NOS2: variants seen among roughly 807,000 people sequenced by gnomAD.
NOS2 encodes the protein nitric oxide synthase 2, also known as nitric oxide synthase, inducible.
In NOS2, 96 loss-of-function variants were observed where a neutral mutation model predicts 136.0. The ratio of observed to expected loss-of-function variants is 0.71; its 90% CI spans 0.60 to 0.84. The LOEUF (loss-of-function observed/expected upper bound fraction) is 0.84. NOS2 is among the 40% of genes least tolerant of loss of function. NOS2 has a pLI of 0.00. For missense variants in NOS2, 1,237 were observed against 1,496.9 expected (o/e 0.83, Z 2.87); for synonymous variants, 539 against 587.5 (o/e 0.92, Z 1.20).
At chr17:27,781,323 TC>T in intron 7 of NOS2, 146 bp from the exon 8 acceptor site, 1 of 896,386 alleles carries the variant, frequency 1.1e-6, no homozygotes, top group East Asian at 2.7e-5. Flanking sequence ...ACATGCCTTC[TC>T]CTGCTGCCCT....
intron 26 of NOS2, 125 bp downstream of exon 26, chr17:27,758,756 G>C: frequency 8.7e-6 from 6 of 689,334 alleles, no homozygotes; most frequent in Non-Finnish European, 1.3e-5. Context: ...CCACTGCTAA[G>C]ATTCTCTTGG....
chr17:27,760,389 G>C (rs1417625395), intron 24 of NOS2, among the ~76,000 whole-genome samples: 1 of 152,242 alleles, frequency 6.6e-6, no homozygotes, highest in Non-Finnish European at 1.5e-5. Context: ...CAGCCAATCG[G>C]AGATCAAAAG....
intron 23 of NOS2, among the ~76,000 whole-genome samples, 162 bp downstream of exon 23, chr17:27,760,982 A>G (rs1167151927): frequency 6.6e-6 from 1 of 152,206 alleles, no homozygotes; most frequent in Non-Finnish European, 1.5e-5. Flanking sequence ...CCCACCTGTC[A>G]TCGCTGTCCC....
chr17:27,790,273 T>C (rs2142525435), intron 2 of NOS2, among the ~76,000 whole-genome samples: 1 of 152,256 alleles, frequency 6.6e-6, no homozygotes, highest in East Asian at 1.9e-4. Context: ...TCTGTATTTT[T>C]GGTAGAGATG....
At chr17:27,769,300 C>T (rs557141049) in intron 16 of NOS2, 149 bp from the exon 17 acceptor site, 1 of 864,880 alleles carries the variant, frequency 1.2e-6, no homozygotes, top group African/African-American at 1.7e-5. Context: ...CTCTCCATCC[C>T]CCAGCCTTGT....
chr17:27,779,778 TG>T (rs1391161508), intron 9 of NOS2, among the ~76,000 whole-genome samples: 3 of 152,224 alleles, frequency 2.0e-5, no homozygotes, highest in Non-Finnish European at 4.4e-5. Flanking sequence ...GAACTTGGGA[TG>T]TTTTTTAGCC....
chr17:27,795,798 G>A (rs1254909461), intron 2 of NOS2, among the ~76,000 whole-genome samples: 1 of 152,154 alleles, frequency 6.6e-6, no homozygotes, highest in Non-Finnish European at 1.5e-5. Context: ...CTATCTGACT[G>A]GATCCTTTCC....
chr17:27,777,679 A>G (rs992809045), intron 11 of NOS2, among the ~76,000 whole-genome samples: 1 of 152,198 alleles, frequency 6.6e-6, no homozygotes, highest in Non-Finnish European at 1.5e-5. Flanking sequence ...TCTAGGCCAG[A>G]GGTGCAGCAG....
intron 2 of NOS2, 39 bp downstream of exon 2, chr17:27,798,661 C>A (rs199932566): frequency 7.6e-7 from 1 of 1,317,086 alleles, no homozygotes; most frequent in Non-Finnish European, 1.1e-6. Flanking sequence ...CATGGGTGCC[C>A]AAGGAGACAA....
At chr17:27,785,032 C>T (rs530377040) in intron 5 of NOS2, among the ~76,000 whole-genome samples, 69 of 152,262 alleles carry the variant, frequency 4.5e-4, no homozygotes, top group African/African-American at 1.2e-3. Context: ...AGGCCTCCCA[C>T]GTCCAGAATA....
At chr17:27,780,619 A>C in intron 9 of NOS2, 148 bp downstream of exon 9, 1 of 964,266 alleles carries the variant, frequency 1.0e-6, no homozygotes, top group Non-Finnish European at 1.6e-6. Flanking sequence ...AACAGTGACA[A>C]AAGAGTCCTT....
At chr17:27,770,329 A>G (rs1193686253) in intron 15 of NOS2, among the ~76,000 whole-genome samples, 1 of 152,150 alleles carries the variant, frequency 6.6e-6, no homozygotes, top group Non-Finnish European at 1.5e-5. Flanking sequence ...AAAAAAAAGA[A>G]TACAAAATTG....
intron 2 of NOS2, among the ~76,000 whole-genome samples, chr17:27,798,084 G>A (rs1909409949): frequency 6.6e-6 from 1 of 152,116 alleles, no homozygotes; most frequent in South Asian, 2.1e-4. Context: ...TGTCTGTTCT[G>A]TGTGGGCACA....
At chr17:27,768,737 G>T (rs1908392030) in intron 17 of NOS2, among the ~76,000 whole-genome samples, 1 of 152,216 alleles carries the variant, frequency 6.6e-6, no homozygotes, top group Non-Finnish European at 1.5e-5. Flanking sequence ...AAGGGCAGGG[G>T]GGTATCTGTG....
In NOS2 at chr17:27,788,808, C is replaced by T. The variant is rs1252502894; in HGVS notation, c.318+1G>A. The T allele has an allele frequency of 1.9e-6, 3 of 1,613,230 alleles. No individual in the cohort carries two copies. The highest frequency in any genetic ancestry group is 1.1e-5 in the South Asian group (1 of 90,896). ...GGTTCTCCCTGAAGCCCCAGACTTA[C>T]CCCTTTGGCCTTATGGTGAAGTGTG... On this transcript the variant is annotated splice_donor_variant, in intron 4 of 26. Coordinates refer to ENST00000313735, the MANE Select transcript of NOS2 (RefSeq NM_000625.4). LOFTEE classifies it high-confidence loss of function.
In NOS2 at chr17:27,772,467, A is replaced by G; in HGVS notation, c.1560-15T>C. On this transcript the variant is annotated splice_polypyrimidine_tract_variant and intron_variant, in intron 13 of 26. Transcript: ENST00000313735. ...AGAGCACAGCTCTGTGGGGACAGAC[A>G]GACAGGCAGGCGCTGTGTGCTGAGT... The G allele has an allele frequency of 6.2e-7, 1 of 1,613,666 alleles. No individual in the cohort carries two copies. Among genetic ancestry groups the G allele is most frequent in the Non-Finnish European group, 8.5e-7 (1 of 1,179,956 alleles).
chr17:27,782,339 G>A (rs1908877022), intron 6 of NOS2, among the ~76,000 whole-genome samples: 1 of 152,166 alleles, frequency 6.6e-6, no homozygotes, highest in African/African-American at 2.4e-5. Flanking sequence ...CTCTAGGGGA[G>A]CACAGGCAAC....
intron 2 of NOS2, among the ~76,000 whole-genome samples, chr17:27,797,824 G>A (rs757681359): frequency 7.2e-5 from 11 of 152,162 alleles, no homozygotes; most frequent in Non-Finnish European, 1.2e-4. Flanking sequence ...CGGGGAGGAG[G>A]GACATGAAGA....
At position 27,772,371 on chromosome 17, in the gene NOS2, T is replaced by G; in HGVS notation, c.1641A>C (p.Thr547=). The change falls in exon 14 of 27, where the codon ACA becomes ACC. Residue 547 remains threonine, a synonymous_variant. Transcript: ENST00000313735. ...VRVTILFATE[T]GKSEALAWDL... ...CCCAGGCCAGCGCCTCTGATTTTCC[T>G]GTCTCTGTCGCAAAGAGGATGGTGA... 6.2e-7 allele frequency: 1 copy of G among 1,614,170 alleles called. No individual in the cohort carries two copies. The highest frequency in any genetic ancestry group is 8.5e-7 in the Non-Finnish European group (1 of 1,180,040).
Sources: gnomAD v4.1 joint callset for allele counts (sites outside exome capture counted in the v4.1 genomes callset) on GRCh38, gnomAD v4.1.1 for gene constraint, MANE v1.5 for transcripts, NCBI Gene and HGNC (gene_info 2026-07-23, HGNC 2026-07-21) for gene names.